The following TBCE variants were observed in gnomAD, a reference collection of about 807,000 sequenced individuals.
TBCE encodes the protein tubulin folding cofactor E, also known as tubulin-specific chaperone E.
In TBCE, 53 loss-of-function variants were observed where a neutral mutation model predicts 77.0. The ratio of observed to expected loss-of-function variants is 0.69; its 90% CI spans 0.55 to 0.87. The LOEUF (loss-of-function observed/expected upper bound fraction) is 0.87, where lower values mean the gene tolerates loss of function less well. Ranked by LOEUF, TBCE falls within the 40% of genes least tolerant of loss-of-function variation. The pLI is 0.00. For missense variants in TBCE, 624 were observed against 622.4 expected (o/e 1.00, Z -0.03); for synonymous variants, 235 against 241.3 (o/e 0.97, Z 0.24).
At chr1:235,368,015 G>C (rs1334890300) in intron 1 of TBCE, among the ~76,000 whole-genome samples, 4 of 152,068 alleles carry the variant, frequency 2.6e-5, no homozygotes, top group East Asian at 1.9e-4. Context: ...AAGCGATTCT[G>C]CTGCCTCAGC....
chr1:235,443,328 G>C (rs1032694445), intron 15 of TBCE, among the ~76,000 whole-genome samples: 5 of 152,092 alleles, frequency 3.3e-5, no homozygotes, highest in African/African-American at 7.2e-5. Context: ...CAGCCTCCAC[G>C]TAGCTGGGAC....
intron 15 of TBCE, among the ~76,000 whole-genome samples, chr1:235,444,059 C>T (rs1682078441): frequency 6.6e-6 from 1 of 152,168 alleles, no homozygotes; most frequent in African/African-American, 2.4e-5. Flanking sequence ...GACTCTAGTA[C>T]ACTGGGTTTC....
At chr1:235,432,954 G>T in intron 7 of TBCE, 1 of 1,393,040 alleles carries the variant, frequency 7.2e-7, no homozygotes, top group Non-Finnish European at 9.3e-7. Context: ...AGGCTCATGC[G>T]CAGTGTGGTG....
At chr1:235,397,773 C>G (rs1448334890) in intron 2 of TBCE, among the ~76,000 whole-genome samples, 1 of 152,188 alleles carries the variant, frequency 6.6e-6, no homozygotes. Flanking sequence ...TTGAGGCTAT[C>G]AGGGTTTGTT....
chr1:235,431,860 C>CA (rs1459580870), intron 7 of TBCE, among the ~76,000 whole-genome samples: 1 of 150,338 alleles, frequency 6.7e-6, no homozygotes, highest in African/African-American at 2.5e-5. Flanking sequence ...TTAGTAGAGA[C>CA]AGAGTTTCTC....
chr1:235,400,470 G>A (rs947708113), intron 2 of TBCE, among the ~76,000 whole-genome samples: 1 of 146,498 alleles, frequency 6.8e-6, no homozygotes, highest in Non-Finnish European at 1.5e-5. Flanking sequence ...GCGTGATCTC[G>A]GCTCACTGCA....
intron 15 of TBCE, among the ~76,000 whole-genome samples, chr1:235,444,077 A>G (rs1367571184): frequency 2.6e-5 from 4 of 152,378 alleles, no homozygotes; most frequent in Admixed American, 6.5e-5. Context: ...TTCTTTGCCC[A>G]TCAGTGCAGT....
chr1:235,392,322 T>C (rs1328101905), intron 2 of TBCE, among the ~76,000 whole-genome samples: 1 of 151,628 alleles, frequency 6.6e-6, no homozygotes, highest in Non-Finnish European at 1.5e-5. Flanking sequence ...GCCACTGCAC[T>C]CCAGGCTGGG....
intron 15 of TBCE, among the ~76,000 whole-genome samples, chr1:235,447,600 A>G (rs2102952825): frequency 6.6e-6 from 1 of 152,230 alleles, no homozygotes; most frequent in East Asian, 1.9e-4. Context: ...ACAGAGGGGG[A>G]ACTAAGGCCA....
At chr1:235,395,584 G>A (rs1189253120) in intron 2 of TBCE, among the ~76,000 whole-genome samples, 2 of 143,492 alleles carry the variant, frequency 1.4e-5, no homozygotes, top group African/African-American at 2.6e-5. Flanking sequence ...TCGCTCTGTC[G>A]CCCAGGCTGG....
intron 3 of TBCE, among the ~76,000 whole-genome samples, chr1:235,401,826 C>CTTTTTTTTTTTTTTTTTT (rs11285286): frequency 1.1e-5 from 1 of 88,604 alleles, no homozygotes. Context: ...TTTCTTCGTC[C>CTTTTTTTTTTTTTTTTTT]TTTTTTTTTT....
chr1:235,391,645 C>T (rs1319645527), intron 2 of TBCE, among the ~76,000 whole-genome samples: 2 of 115,952 alleles, frequency 1.7e-5, no homozygotes, highest in African/African-American at 3.5e-5. Flanking sequence ...CTTACTCTGT[C>T]ACCCAGGCTG....
intron 2 of TBCE, among the ~76,000 whole-genome samples, chr1:235,385,968 C>T (rs1558351124): frequency 1.3e-5 from 2 of 152,150 alleles, no homozygotes; most frequent in Non-Finnish European, 2.9e-5. Flanking sequence ...TTGTTCCTTT[C>T]CATGTTTAGT....
intron 15 of TBCE, 101 bp from the exon 16 acceptor site, chr1:235,448,248 A>C (rs1340240702): frequency 2.3e-6 from 2 of 879,816 alleles, no homozygotes; most frequent in Non-Finnish European, 3.8e-6. Context: ...AAAGACAGAT[A>C]CAGCTATCAT....
At chr1:235,423,054 G>T (rs966656988) in intron 5 of TBCE, among the ~76,000 whole-genome samples, 2 of 152,238 alleles carry the variant, frequency 1.3e-5, no homozygotes, top group African/African-American at 4.8e-5. Context: ...GCTCCCGATT[G>T]AATTCTCGCC....
chr1:235,394,133 G>A (rs897141313), intron 2 of TBCE, among the ~76,000 whole-genome samples: 1 of 152,016 alleles, frequency 6.6e-6, no homozygotes, highest in Admixed American at 6.6e-5. Flanking sequence ...GGAGTGCAGT[G>A]GTGCAATCTC....
chr1:235,408,432 ATTTT>A (rs34222562), intron 3 of TBCE, among the ~76,000 whole-genome samples: 2 of 144,636 alleles, frequency 1.4e-5, no homozygotes, highest in Admixed American at 7.0e-5. Context: ...GTGTTGGAAG[ATTTT>A]TTTTTTTTTT....
At chr1:235,371,038 C>CATT (rs1676910483) in intron 1 of TBCE, among the ~76,000 whole-genome samples, 1 of 23,310 alleles carries the variant, frequency 4.3e-5, no homozygotes, top group African/African-American at 1.3e-4. Context: ...TCACGCCTGG[C>CATT]TTTTTTTTTT....
Position 235,437,395 on chromosome 1 carries a change from A to C in TBCE, c.1037A>C (p.Lys346Thr), listed in dbSNP as rs757979956. ...ALSCLRNPLT[K>T]EDKEAETARL... is the part of the protein sequence containing the mutation. Reference sequence around the variant, plus strand: ...TCCTGCCTAAGAAACCCCCTGACCAAAGAGGACAAAGAAGCAGAGACGGCG... The same window carrying C: ...TCCTGCCTAAGAAACCCCCTGACCACAGAGGACAAAGAAGCAGAGACGGCG... The change falls in exon 12 of 17, where the codon AAA becomes ACA. Residue 346 changes from lysine (K) to threonine (T), a missense_variant. Physicochemically the swap from Lys to Thr is moderately conservative, Grantham distance 78 (BLOSUM62 -1). Transcript: ENST00000642610. 3 of 1,614,046 alleles carry C rather than the reference A, an allele frequency of 1.9e-6. No individual in the cohort carries two copies. The highest frequency in any genetic ancestry group is 2.5e-6 in the Non-Finnish European group (3 of 1,180,040).
Sources: gnomAD v4.1 joint callset for allele counts (sites outside exome capture counted in the v4.1 genomes callset) on GRCh38, gnomAD v4.1.1 for gene constraint, MANE v1.5 for transcripts, NCBI Gene and HGNC (gene_info 2026-07-23, HGNC 2026-07-21) for gene names.